GRIN2B: variants seen among roughly 807,000 people sequenced by gnomAD.
GRIN2B encodes the protein glutamate receptor ionotropic, NMDA 2B.
A neutral mutation model predicts 114.5 loss-of-function variants in GRIN2B; 5 were observed. That is an observed-to-expected ratio of 0.04 (90% CI 0.02 to 0.09). The LOEUF (loss-of-function observed/expected upper bound fraction) is 0.09, where lower values mean the gene tolerates loss of function less well. GRIN2B is among the 10% of genes least tolerant of loss of function. The pLI is 1.00. For synonymous variants in GRIN2B, 787 were observed against 745.1 expected (o/e 1.06, Z -0.92); for missense variants, 1,108 against 1,943.5 (o/e 0.57, Z 8.08).
rs962194781 is a variant in GRIN2B, at chr12:13,720,050, G to C, written c.1010+33267C>G. On this transcript the variant is annotated intron_variant, in intron 4 of 13. Transcript: ENST00000609686. ...GGATGGCATGATGCACTTACAGTGT[G>C]AGGGGAGCATGATAGAAACAAAACG... Among the ~76,000 whole-genome samples the C allele has an allele frequency of 5.9e-5, 9 of 152,050 alleles. No homozygotes were observed. In the South Asian group the frequency reaches 6.2e-4, roughly 10 times the overall value.
chr12:13,840,553 T>C (rs1367144893), intron 3 of GRIN2B, among the ~76,000 whole-genome samples: 3 of 152,140 alleles, frequency 2.0e-5, no homozygotes. Context: ...CCTCACAGGA[T>C]TATAGAAAAA....
At chr12:13,781,327 T>C (rs1425301165) in intron 3 of GRIN2B, among the ~76,000 whole-genome samples, 1 of 152,218 alleles carries the variant, frequency 6.6e-6, no homozygotes, top group Non-Finnish European at 1.5e-5. Context: ...AAAGAACACA[T>C]GAGAATGTTT....
At chr12:13,631,700 T>A (rs931658597) in intron 5 of GRIN2B, among the ~76,000 whole-genome samples, 3 of 152,206 alleles carry the variant, frequency 2.0e-5, no homozygotes, top group African/African-American at 7.2e-5. Flanking sequence ...AAATCCTGAT[T>A]TGCCTCACTC....
At chr12:13,598,305 G>C (rs867814439) in intron 10 of GRIN2B, among the ~76,000 whole-genome samples, 3 of 152,194 alleles carry the variant, frequency 2.0e-5, no homozygotes, top group Admixed American at 6.5e-5. Context: ...GGGAAGAAAG[G>C]CCTTTGGGCA....
chr12:13,714,710 ATATTT>A (rs1421492535), intron 4 of GRIN2B, among the ~76,000 whole-genome samples: 3 of 151,944 alleles, frequency 2.0e-5, no homozygotes, highest in African/African-American at 7.2e-5. Context: ...TTCTGAGAAT[ATATTT>A]TATAATACAA....
At chr12:13,767,132 C>A (rs994952687) in intron 3 of GRIN2B, among the ~76,000 whole-genome samples, 1 of 151,856 alleles carries the variant, frequency 6.6e-6, no homozygotes, top group Non-Finnish European at 1.5e-5. Flanking sequence ...TGGTGGCGGG[C>A]GCCTGTAGTA....
At chr12:13,781,816 G>A (rs941524958) in intron 3 of GRIN2B, among the ~76,000 whole-genome samples, 12 of 152,156 alleles carry the variant, frequency 7.9e-5, no homozygotes, top group African/African-American at 1.9e-4. Context: ...AGAAATGTTC[G>A]AAGAAAAGGA....
rs531747728 is a variant in GRIN2B at position 13,563,420 on chromosome 12, G to T, written c.3818C>A (p.Thr1273Lys). 4.0e-5 allele frequency: 65 copies of T among 1,614,176 alleles called. No homozygotes were observed. In the East Asian group the frequency reaches 1.4e-3, roughly 35 times the overall value. The change falls in exon 14 of 14, where the codon ACG (threonine) becomes AAG (lysine). Residue 1273 changes from threonine (T) to lysine (K), a missense_variant. Physicochemically the swap from Thr to Lys is moderately conservative, Grantham distance 78 (BLOSUM62 -1). Coordinates refer to ENST00000609686, the MANE Select transcript of GRIN2B (RefSeq NM_000834.5). ...LDQPAAPVAV[T>K]SNASTTKYPQ... ...GTACTTAGTGGTGGAGGCGTTTGAC[G>T]TCACCGCCACTGGGGCAGCCGGCTG...
chr12:13,762,718 G>T (rs1863701582), intron 3 of GRIN2B, among the ~76,000 whole-genome samples: 1 of 152,164 alleles, frequency 6.6e-6, no homozygotes, highest in Admixed American at 6.5e-5. Flanking sequence ...GGATCCCTGG[G>T]AAACAAAGGG....
intron 5 of GRIN2B, among the ~76,000 whole-genome samples, chr12:13,637,539 T>C (rs1232438964): frequency 1.3e-5 from 2 of 152,164 alleles, no homozygotes; most frequent in African/African-American, 2.4e-5. Flanking sequence ...AACCAGTGAA[T>C]GGAAATGTCA....
chr12:13,639,258 T>A (rs1042027280), intron 5 of GRIN2B, among the ~76,000 whole-genome samples: 1 of 152,126 alleles, frequency 6.6e-6, no homozygotes, highest in Non-Finnish European at 1.5e-5. Context: ...TCATAGACTG[T>A]GGCAACCAGT....
chr12:13,890,613 T>C (rs1440196424), intron 2 of GRIN2B, among the ~76,000 whole-genome samples: 1 of 152,130 alleles, frequency 6.6e-6, no homozygotes, highest in African/African-American at 2.4e-5. Context: ...ACTTAGTGTA[T>C]ATATTTCTTG....
chr12:13,676,250 T>C (rs1460274529), intron 4 of GRIN2B, among the ~76,000 whole-genome samples: 3 of 152,004 alleles, frequency 2.0e-5, no homozygotes, highest in African/African-American at 7.2e-5. Flanking sequence ...GGGCTTAATA[T>C]TTAGGTGATG....
chr12:13,777,823 G>A (rs1388362457), intron 3 of GRIN2B, among the ~76,000 whole-genome samples: 2 of 152,140 alleles, frequency 1.3e-5, no homozygotes, highest in Admixed American at 6.5e-5. Context: ...CAGTCTTATT[G>A]GTTTTGGTCC....
chr12:13,581,652 A>G (rs767785222), intron 10 of GRIN2B, among the ~76,000 whole-genome samples: 2 of 152,202 alleles, frequency 1.3e-5, no homozygotes, highest in Non-Finnish European at 2.9e-5. Context: ...GCTCACACCT[A>G]TAATCCCAAC....
At chr12:13,583,689 T>C (rs1015696649) in intron 10 of GRIN2B, among the ~76,000 whole-genome samples, 2 of 152,094 alleles carry the variant, frequency 1.3e-5, no homozygotes, top group African/African-American at 4.8e-5. Flanking sequence ...CTCCTCCAGA[T>C]TGGCCAAGTT....
intron 3 of GRIN2B, among the ~76,000 whole-genome samples, chr12:13,828,058 CTTGT>C (rs1366948027): frequency 1.3e-5 from 2 of 151,878 alleles, no homozygotes; most frequent in Non-Finnish European, 2.9e-5. Context: ...CCATTTTTTT[CTTGT>C]TTATGGGTCA....
Position 13,865,779 on chromosome 12 carries a change from C to A in GRIN2B, c.411+19G>T. The A allele has an allele frequency of 6.2e-7, 1 of 1,600,660 alleles. No homozygotes were observed. The highest frequency in any genetic ancestry group is 1.1e-5 in the South Asian group (1 of 90,796). On this transcript the variant is annotated intron_variant, in intron 3 of 13. Transcript: ENST00000609686. ...TCAGCACAAACCCTCAGGCCCTTCT[C>A]CCTGCAGCCCCTTTTTACCTTATCT... is the stretch of plus-strand genomic sequence containing the variant.
chr12:13,980,663 G>C (rs963292587), intron 1 of GRIN2B, among the ~76,000 whole-genome samples: 2 of 151,922 alleles, frequency 1.3e-5, no homozygotes, highest in Non-Finnish European at 2.9e-5. Flanking sequence ...GGAAGGGGGG[G>C]AGAAGCGGCA....
Sources: gnomAD v4.1 joint callset for allele counts (sites outside exome capture counted in the v4.1 genomes callset) on GRCh38, gnomAD v4.1.1 for gene constraint, MANE v1.5 for transcripts, NCBI Gene and HGNC (gene_info 2026-07-23, HGNC 2026-07-21) for gene names.